Variants in DLG2 observed in about 807,000 individuals in gnomAD.
DLG2 encodes disks large homolog 2.
In DLG2, 45 loss-of-function variants were observed where a neutral mutation model predicts 132.5. The ratio of observed to expected loss-of-function variants is 0.34; its 90% CI spans 0.27 to 0.44. DLG2 has a LOEUF of 0.44. Ranked by LOEUF, DLG2 falls within the 20% of genes least tolerant of loss-of-function variation. The pLI, the probability that DLG2 is intolerant of heterozygous loss-of-function variation, is 1.00. For missense variants in DLG2, 1,045 were observed against 1,196.9 expected, an observed-to-expected ratio of 0.87 and a Z score of 1.87; for synonymous variants, 424 against 419.6, an observed-to-expected ratio of 1.01 and a Z score of -0.13.
At chr11:84,367,726 T>A (rs2098689911) in intron 7 of DLG2, among the ~76,000 whole-genome samples, 1 of 152,130 alleles carries the variant, frequency 6.6e-6, no homozygotes, top group Non-Finnish European at 1.5e-5. Flanking sequence ...CTCTATGCTA[T>A]GACACAGCAA....
chr11:85,128,344 T>A (rs78715936), intron 5 of DLG2, among the ~76,000 whole-genome samples: 2 of 152,106 alleles, frequency 1.3e-5, no homozygotes, highest in African/African-American at 4.8e-5. Flanking sequence ...AGAGAAAATA[T>A]AGAATAATGT....
chr11:84,862,717 G>T (rs1190303571), intron 6 of DLG2, among the ~76,000 whole-genome samples: 1 of 147,730 alleles, frequency 6.8e-6, no homozygotes, highest in Non-Finnish European at 1.5e-5. Flanking sequence ...ACTAACACAG[G>T]AACAGAAAAC....
At chr11:84,161,595 A>C (rs1352341571) in intron 9 of DLG2, among the ~76,000 whole-genome samples, 1 of 152,126 alleles carries the variant, frequency 6.6e-6, no homozygotes, top group Non-Finnish European at 1.5e-5. Flanking sequence ...ACTCCTATTG[A>C]GTGTTCTCTC....
intron 2 of DLG2, among the ~76,000 whole-genome samples, chr11:85,618,246 G>A (rs1040093796): frequency 6.6e-6 from 1 of 151,930 alleles, no homozygotes; most frequent in African/African-American, 2.4e-5. Flanking sequence ...AATTGTAGCT[G>A]GAGAACACAT....
At chr11:85,538,895 A>G (rs146234281) in intron 3 of DLG2, among the ~76,000 whole-genome samples, 5,470 of 151,952 alleles carry the variant, frequency 0.036, 163 homozygotes, top group Admixed American at 0.053. Context: ...TGTGAGGCTT[A>G]ATACCTAGGT....
At position 84,612,120 on chromosome 11, in the gene DLG2, C is replaced by A. The variant is rs534849035; in HGVS notation, c.358-77389G>T. Among the ~76,000 whole-genome samples the A allele has an allele frequency of 1.4e-4, 21 of 152,238 alleles. No homozygotes were observed. The South Asian group carries it at 4.1e-3, about 30-fold the overall frequency. The stretch of plus-strand genomic sequence containing the variant: ...ACAACTTTTCTCATCCTCAAGCAAG[C>A]TTTCTGTCACTACAGATTGAGTTTT... On this transcript the variant is annotated intron_variant, in intron 6 of 27. Coordinates refer to ENST00000376104, the MANE Select transcript of DLG2 (RefSeq NM_001142699.3).
chr11:83,497,931 A>G (rs982567549), intron 21 of DLG2, among the ~76,000 whole-genome samples: 1 of 151,982 alleles, frequency 6.6e-6, no homozygotes, highest in Non-Finnish European at 1.5e-5. Context: ...AAACAACAAC[A>G]ACTTTTTTCC....
intron 3 of DLG2, among the ~76,000 whole-genome samples, chr11:85,372,275 C>A (rs1483519806): frequency 6.6e-6 from 1 of 152,122 alleles, no homozygotes; most frequent in Non-Finnish European, 1.5e-5. Flanking sequence ...GGGAGCTGAC[C>A]AAGGCTGGGC....
intron 7 of DLG2, among the ~76,000 whole-genome samples, chr11:84,276,808 C>T (rs2097787289): frequency 6.6e-6 from 1 of 152,158 alleles, no homozygotes; most frequent in Non-Finnish European, 1.5e-5. Flanking sequence ...TTAAATTTAA[C>T]TTCATGACAA....
At chr11:85,222,240 AC>A (rs1240980802) in intron 4 of DLG2, among the ~76,000 whole-genome samples, 10 of 152,300 alleles carry the variant, frequency 6.6e-5, no homozygotes, top group Admixed American at 1.3e-4. Flanking sequence ...TTCTGGTATT[AC>A]AGGCATGAGC....
At chr11:84,509,898 A>T (rs1430124261) in intron 7 of DLG2, among the ~76,000 whole-genome samples, 1 of 152,126 alleles carries the variant, frequency 6.6e-6, no homozygotes, top group South Asian at 2.1e-4. Flanking sequence ...AGGGAAAGAG[A>T]TATTATTAAA....
chr11:84,512,641 A>G (rs1046929791), intron 7 of DLG2, among the ~76,000 whole-genome samples: 4 of 152,144 alleles, frequency 2.6e-5, no homozygotes, highest in African/African-American at 9.7e-5. Flanking sequence ...CACAAATAAC[A>G]TATAAAGGAG....
chr11:85,169,817 G>C (rs1303086205), intron 4 of DLG2, among the ~76,000 whole-genome samples: 2 of 152,158 alleles, frequency 1.3e-5, no homozygotes. Flanking sequence ...CCCTGTGCTT[G>C]GGAAGAGACA....
intron 9 of DLG2, among the ~76,000 whole-genome samples, chr11:84,127,532 T>A (rs1595784568): frequency 6.6e-6 from 1 of 152,206 alleles, no homozygotes; most frequent in Admixed American, 6.5e-5. Context: ...TCCTAACTTC[T>A]GGTGATTTGT....
intron 4 of DLG2, among the ~76,000 whole-genome samples, chr11:85,284,224 G>A (rs1459035583): frequency 2.0e-5 from 3 of 151,520 alleles, no homozygotes. Flanking sequence ...ATGCTTTTAA[G>A]TATAATTTCA....
At chr11:84,473,483 A>C (rs550903854) in intron 7 of DLG2, among the ~76,000 whole-genome samples, 36 of 152,154 alleles carry the variant, frequency 2.4e-4, no homozygotes, top group Non-Finnish European at 4.0e-4. Flanking sequence ...CTAAACTACT[A>C]TCTTGATGTC....
At chr11:84,022,994 A>G (rs575101622) in intron 11 of DLG2, among the ~76,000 whole-genome samples, 4 of 152,226 alleles carry the variant, frequency 2.6e-5, no homozygotes, top group African/African-American at 9.6e-5. Flanking sequence ...AGCAGATAAT[A>G]AATGTAAGCA....
intron 4 of DLG2, among the ~76,000 whole-genome samples, chr11:85,243,362 A>G (rs187377964): frequency 2.0e-5 from 3 of 151,998 alleles, no homozygotes; most frequent in Non-Finnish European, 2.9e-5. Flanking sequence ...ATTTCATTCA[A>G]TTTTACATCC....
At chr11:84,696,140 G>A (rs1193894583) in intron 6 of DLG2, among the ~76,000 whole-genome samples, 1 of 151,442 alleles carries the variant, frequency 6.6e-6, no homozygotes, top group Non-Finnish European at 1.5e-5. Flanking sequence ...TGAATGGTCT[G>A]GTAGGTAAAA....
Sources: allele counts gnomAD v4.1 joint callset (sites outside exome capture counted in the v4.1 genomes callset), GRCh38; gene constraint gnomAD v4.1.1; transcripts MANE v1.5; gene names NCBI Gene and HGNC (gene_info 2026-07-23, HGNC 2026-07-21).